The following MALRD1 variants were observed in gnomAD, a reference collection of about 807,000 sequenced individuals.
The protein encoded by MALRD1 is MAM and LDL receptor class A domain containing 1.
In MALRD1, 247 loss-of-function variants were observed where a neutral mutation model predicts 242.1. The observed-to-expected ratio is 1.02, with a 90% CI of 0.92 to 1.13. The LOEUF is 1.13. Among genes scored for constraint, MALRD1 ranks in the 50% most tolerant of loss-of-function variants. MALRD1 has a pLI of 0.00. For missense variants in MALRD1, 2,989 were observed against 2,533.1 expected, an observed-to-expected ratio of 1.18 and a Z score of -3.86; for synonymous variants, 995 against 866.6, an observed-to-expected ratio of 1.15 and a Z score of -2.60.
intron 34 of MALRD1, among the ~76,000 whole-genome samples, chr10:19,599,701 G>A (rs1373334201): frequency 6.6e-6 from 1 of 152,140 alleles, no homozygotes; most frequent in Non-Finnish European, 1.5e-5. Context: ...AGCCATAAGG[G>A]ATAGTAAGAG....
intron 36 of MALRD1, among the ~76,000 whole-genome samples, chr10:19,687,591 C>A (rs926224458): frequency 1.3e-5 from 2 of 152,126 alleles, no homozygotes; most frequent in African/African-American, 4.8e-5. Context: ...CACCCTTTAC[C>A]CCAACCAACT....
rs781218852 is a variant in MALRD1, at chr10:19,387,558, A to G, written c.4472A>G (p.His1491Arg). The change falls in exon 27 of 40, where the codon CAT (histidine) becomes CGT (arginine). Residue 1491 changes from histidine to arginine, a missense_variant. Transcript: ENST00000454679. ...TGCCCACTTGGCTATAGGGAATGTCATAATGGAAAATGCTATAGGCTGGAA... is the reference window on the plus strand; with the variant it reads ...TGCCCACTTGGCTATAGGGAATGTCGTAATGGAAAATGCTATAGGCTGGAA... ...GFCPLGYRECHNGKCYRLEQS... is the reference protein window; with the variant it reads ...GFCPLGYRECRNGKCYRLEQS... 1 of 1,550,408 alleles carries G rather than the reference A, an allele frequency of 6.4e-7. No homozygotes were observed. Among genetic ancestry groups the G allele is most frequent in the South Asian group, 1.2e-5 (1 of 84,048 alleles).
At chr10:19,698,815 G>C (rs1481130345) in intron 38 of MALRD1, among the ~76,000 whole-genome samples, 1 of 152,182 alleles carries the variant, frequency 6.6e-6, no homozygotes, top group Non-Finnish European at 1.5e-5. Context: ...GGAGTATTCT[G>C]TCCCAGCAAG....
At chr10:19,238,982 A>C (rs1838632451) in intron 18 of MALRD1, among the ~76,000 whole-genome samples, 1 of 151,710 alleles carries the variant, frequency 6.6e-6, no homozygotes, top group African/African-American at 2.4e-5. Flanking sequence ...AGTGATGTTG[A>C]ACATGATTTT....
chr10:19,421,205 T>TTGTGTG (rs1278121860), intron 28 of MALRD1, among the ~76,000 whole-genome samples: 1 of 152,124 alleles, frequency 6.6e-6, no homozygotes, highest in Non-Finnish European at 1.5e-5. Context: ...ATGCATCTGT[T>TTGTGTG]TGTGTGTGTA....
In MALRD1 at chr10:19,284,297, T is replaced by A. The variant is rs551549561; in HGVS notation, c.3419+1116T>A. 3.3e-5 allele frequency among the ~76,000 whole-genome samples: 5 copies of A among 151,804 alleles called. No homozygotes were observed. The East Asian group carries it at 7.8e-4, about 24-fold the overall frequency. On this transcript the variant is annotated intron_variant, in intron 21 of 39. Coordinates refer to ENST00000454679, the MANE Select transcript of MALRD1 (RefSeq NM_001142308.3). ...TTAAGTTTTAGGGTACATGTGCACA[T>A]TGTGCAGGTTCGTTACATATGTATA...
chr10:19,635,302 C>G (rs1393585708), intron 36 of MALRD1, among the ~76,000 whole-genome samples: 1 of 152,010 alleles, frequency 6.6e-6, no homozygotes, highest in Non-Finnish European at 1.5e-5. Flanking sequence ...AAAATATGCT[C>G]CTGATAAAAT....
At position 19,181,468 on chromosome 10, in the gene MALRD1, T is replaced by TA. The variant is rs1223888801; in HGVS notation, c.1951+6140_1951+6141insA. 8.5e-5 allele frequency among the ~76,000 whole-genome samples: 13 copies of TA among 152,160 alleles called. No homozygotes were observed. In the East Asian group the frequency reaches 2.1e-3, roughly 25 times the overall value. ...AAGCCAAACACAAGAAGGAAAATAT[T>TA]GCATGATCTCAATTATGGGTGGCAT... On this transcript the variant is annotated intron_variant, in intron 14 of 39. Transcript: ENST00000454679.
intron 36 of MALRD1, among the ~76,000 whole-genome samples, chr10:19,667,802 A>G (rs1238303003): frequency 1.3e-5 from 2 of 152,090 alleles, no homozygotes; most frequent in African/African-American, 2.4e-5. Context: ...TACCCAGGGT[A>G]TTTCTTTATG....
At chr10:19,696,383 T>C (rs1440671710) in intron 38 of MALRD1, among the ~76,000 whole-genome samples, 2 of 152,000 alleles carry the variant, frequency 1.3e-5, no homozygotes, top group Non-Finnish European at 2.9e-5. Flanking sequence ...AACACCTGAG[T>C]TTGTGGTCAG....
intron 18 of MALRD1, among the ~76,000 whole-genome samples, chr10:19,238,570 A>T (rs1283758861): frequency 8.1e-6 from 1 of 123,484 alleles, no homozygotes; most frequent in Non-Finnish European, 1.6e-5. Context: ...TATATAATAT[A>T]CATAATGTAT....
At chr10:19,530,318 A>AATTTATATAAATATATAAT (rs1281132554) in intron 31 of MALRD1, among the ~76,000 whole-genome samples, 15 of 63,204 alleles carry the variant, frequency 2.4e-4, no homozygotes, top group Non-Finnish European at 5.1e-4. Context: ...GAAATGTTGA[A>AATTTATATAAATATATAAT]ATTTATATAA....
chr10:19,546,597 T>C (rs753134358), intron 32 of MALRD1, among the ~76,000 whole-genome samples: 1 of 152,244 alleles, frequency 6.6e-6, no homozygotes, highest in Non-Finnish European at 1.5e-5. Flanking sequence ...CTTTGGTCTT[T>C]GTCCCTTTGA....
chr10:19,313,856 G>T (rs576056799), intron 21 of MALRD1, among the ~76,000 whole-genome samples: 7 of 151,538 alleles, frequency 4.6e-5, no homozygotes, highest in African/African-American at 1.7e-4. Context: ...AGTTGGCTCT[G>T]ATACCTTTGT....
chr10:19,514,550 T>C (rs1209584409), intron 31 of MALRD1, among the ~76,000 whole-genome samples: 2 of 152,152 alleles, frequency 1.3e-5, no homozygotes, highest in Non-Finnish European at 2.9e-5. Flanking sequence ...AGGTTTTGAA[T>C]ACTTGATTAA....
chr10:19,546,970 A>T (rs962287617), intron 32 of MALRD1, among the ~76,000 whole-genome samples: 2 of 151,876 alleles, frequency 1.3e-5, no homozygotes, highest in African/African-American at 4.8e-5. Context: ...TTAGAAATTC[A>T]TTTTTTTTCC....
At chr10:19,531,454 G>T (rs1044106330) in intron 32 of MALRD1, 103 bp downstream of exon 32, 11 of 1,085,308 alleles carry the variant, frequency 1.0e-5, no homozygotes, top group African/African-American at 1.6e-5. Context: ...CACACCGCCA[G>T]TGCTGATGCC....
chr10:19,729,568 A>G (rs1835190833), intron 38 of MALRD1, among the ~76,000 whole-genome samples: 1 of 149,554 alleles, frequency 6.7e-6, no homozygotes, highest in African/African-American at 2.5e-5. Context: ...GTGTGTGTGT[A>G]CACATGTGTG....
intron 36 of MALRD1, among the ~76,000 whole-genome samples, chr10:19,646,268 C>T (rs1265530811): frequency 6.6e-6 from 1 of 152,130 alleles, no homozygotes; most frequent in East Asian, 1.9e-4. Context: ...TACATCATTT[C>T]CAGCTTTTGG....
Sources: allele counts gnomAD v4.1 joint callset (sites outside exome capture counted in the v4.1 genomes callset), GRCh38; gene constraint gnomAD v4.1.1; transcripts MANE v1.5; gene names NCBI Gene and HGNC (gene_info 2026-07-23, HGNC 2026-07-21).